Variants in AKT3 observed in about 807,000 individuals in gnomAD.
The protein encoded by AKT3 is AKT serine/threonine kinase 3.
In AKT3, 15 loss-of-function variants were observed where a neutral mutation model predicts 65.3. The observed-to-expected ratio is 0.23, with a 90% CI of 0.15 to 0.35. The LOEUF is 0.35. Among genes scored for constraint, AKT3 ranks in the 10% least tolerant of loss-of-function variants. The probability of loss-of-function intolerance (pLI) is 1.00; values close to 1 mark genes in which losing one functional copy is unlikely to be tolerated. For missense variants in AKT3, 243 were observed against 576.5 expected, an observed-to-expected ratio of 0.42 and a Z score of 5.92; for synonymous variants, 206 against 183.8, an observed-to-expected ratio of 1.12 and a Z score of -0.98.
intron 4 of AKT3, among the ~76,000 whole-genome samples, chr1:243,646,420 T>C (rs1680821913): frequency 6.6e-6 from 1 of 152,044 alleles, no homozygotes; most frequent in African/African-American, 2.4e-5. Flanking sequence ...AATAGCATGA[T>C]CTCAGCTCAC....
chr1:243,741,255 T>G (rs1688137370), intron 2 of AKT3, among the ~76,000 whole-genome samples: 1 of 152,216 alleles, frequency 6.6e-6, no homozygotes, highest in Non-Finnish European at 1.5e-5. Context: ...TGATTTTTGT[T>G]TCCTTGTTTC....
intron 4 of AKT3, among the ~76,000 whole-genome samples, chr1:243,647,971 ATGTAGGCCAGG>A (rs1680969375): frequency 6.6e-6 from 1 of 152,134 alleles, no homozygotes; most frequent in South Asian, 2.1e-4. Context: ...TTTTTGTCAA[ATGTAGGCCAGG>A]TGCAGTGGCT....
intron 8 of AKT3, among the ~76,000 whole-genome samples, chr1:243,585,725 A>G (rs752899743): frequency 1.3e-5 from 2 of 152,196 alleles, no homozygotes; most frequent in African/African-American, 4.8e-5. Context: ...CTTTTACCAT[A>G]TACAAAAATT....
chr1:243,736,957 T>C (rs774055013), intron 2 of AKT3, among the ~76,000 whole-genome samples: 14 of 152,150 alleles, frequency 9.2e-5, no homozygotes, highest in South Asian at 2.1e-4. Flanking sequence ...TATCTGAACA[T>C]AGAGCAATCT....
At chr1:243,609,896 A>G (rs555767021) in intron 8 of AKT3, among the ~76,000 whole-genome samples, 12 of 152,286 alleles carry the variant, frequency 7.9e-5, no homozygotes, top group Non-Finnish European at 1.6e-4. Context: ...GATGCCAGGT[A>G]GCGCCCTCTA....
intron 8 of AKT3, among the ~76,000 whole-genome samples, chr1:243,583,228 T>C (rs1250123091): frequency 2.0e-5 from 3 of 146,868 alleles, no homozygotes; most frequent in East Asian, 3.9e-4. Context: ...ATCTTCCATA[T>C]ATATATCTCA....
In AKT3 at chr1:243,842,045, G is replaced by A. The variant is rs116155039; in HGVS notation, c.46+1080C>T. On this transcript the variant is annotated intron_variant, in intron 2 of 13. Coordinates refer to ENST00000673466, the MANE Select transcript of AKT3 (RefSeq NM_005465.7). ...GCAAGGGAGAACAAAGGAACCTCTC[G>A]GGTTAATGAAAATAACCACTATATC... Among the ~76,000 whole-genome samples the A allele has an allele frequency of 4.9e-3, 743 of 152,170 alleles. 9 individuals are homozygous for A. The highest frequency in any genetic ancestry group is 0.017 in the African/African-American group (699 of 41,536).
chr1:243,674,728 TAAAC>T (rs1683386770), intron 3 of AKT3, among the ~76,000 whole-genome samples: 1 of 152,232 alleles, frequency 6.6e-6, no homozygotes, highest in African/African-American at 2.4e-5. Context: ...CATTCTGGTC[TAAAC>T]AAACCAGTTT....
intron 1 of AKT3, among the ~76,000 whole-genome samples, chr1:243,848,973 C>T (rs531334688): frequency 6.6e-6 from 1 of 152,200 alleles, no homozygotes; most frequent in Non-Finnish European, 1.5e-5. Flanking sequence ...ATTTCCTCTG[C>T]TTTCAGAACA....
intron 1 of AKT3, among the ~76,000 whole-genome samples, chr1:243,849,386 A>ACCCCCCCCCCCCC (rs57424400): frequency 1.4e-3 from 146 of 107,050 alleles, no homozygotes; most frequent in African/African-American, 2.3e-3. Flanking sequence ...CCACACACAC[A>ACCCCCCCCCCCCC]CCCCCCCCCC....
chr1:243,702,552 G>C (rs1685534356), intron 2 of AKT3, among the ~76,000 whole-genome samples: 1 of 152,134 alleles, frequency 6.6e-6, no homozygotes, highest in Non-Finnish European at 1.5e-5. Flanking sequence ...TTGTTAGCAA[G>C]TGATACTAAT....
chr1:243,795,449 G>GTTTTGTTTTTTTTTTTTTT (rs1691898953), intron 2 of AKT3, among the ~76,000 whole-genome samples: 7 of 93,480 alleles, frequency 7.5e-5, no homozygotes, highest in African/African-American at 3.4e-4. Context: ...TGATCTCCTT[G>GTTTTGTTTTTTTTTTTTTT]TTTTTTTTTT....
At chr1:243,715,645 A>G (rs978070808) in intron 2 of AKT3, among the ~76,000 whole-genome samples, 12 of 152,136 alleles carry the variant, frequency 7.9e-5, no homozygotes, top group African/African-American at 2.7e-4. Flanking sequence ...AAATCTGCAG[A>G]AAAACATTAC....
intron 2 of AKT3, among the ~76,000 whole-genome samples, chr1:243,709,152 G>T (rs1685991281): frequency 6.6e-6 from 1 of 150,546 alleles, no homozygotes; most frequent in Non-Finnish European, 1.5e-5. Context: ...TGGTATGATA[G>T]ACCTTTACTT....
chr1:243,522,105 G>C (rs79968007), intron 12 of AKT3, among the ~76,000 whole-genome samples: 3,943 of 152,264 alleles, frequency 0.026, 55 homozygotes, highest in Middle Eastern at 0.054. Flanking sequence ...AAAAGATTTT[G>C]CACCTAGTAG....
chr1:243,699,153 C>T (rs529880416), intron 2 of AKT3, among the ~76,000 whole-genome samples: 50 of 152,182 alleles, frequency 3.3e-4, no homozygotes, highest in Middle Eastern at 6.8e-3. Context: ...CCTTTTAAGA[C>T]GGACTGCTAA....
chr1:243,772,376 G>T (rs533719761), intron 2 of AKT3, among the ~76,000 whole-genome samples: 67 of 152,218 alleles, frequency 4.4e-4, no homozygotes, highest in African/African-American at 1.6e-3. Context: ...AACAGGCAAA[G>T]GATATGAACA....
chr1:243,567,487 C>CTTT (rs993323556), intron 9 of AKT3, among the ~76,000 whole-genome samples: 8 of 122,290 alleles, frequency 6.5e-5, no homozygotes, highest in African/African-American at 9.4e-5. Context: ...TTGTTTCTTC[C>CTTT]TTTTTTTTTT....
intron 12 of AKT3, among the ~76,000 whole-genome samples, chr1:243,529,627 T>TTTATTCTG (rs1671388671): frequency 6.6e-6 from 1 of 152,180 alleles, no homozygotes. Context: ...TTCTGGGCTA[T>TTTATTCTG]TTATTCTGTC....
Sources: gnomAD v4.1 joint callset for allele counts (sites outside exome capture counted in the v4.1 genomes callset) on GRCh38, gnomAD v4.1.1 for gene constraint, MANE v1.5 for transcripts, NCBI Gene and HGNC (gene_info 2026-07-23, HGNC 2026-07-21) for gene names.